Variants in HS6ST3 observed in about 807,000 individuals in gnomAD.
HS6ST3 encodes the protein heparan-sulfate 6-O-sulfotransferase 3.
Under a neutral mutation model 36.7 loss-of-function variants are expected in HS6ST3, and 12 were observed. That is an observed-to-expected ratio of 0.33 (90% CI 0.21 to 0.53). The LOEUF (loss-of-function observed/expected upper bound fraction) is 0.53. Among genes scored for constraint, HS6ST3 ranks in the 20% least tolerant of loss-of-function variants. The pLI is 0.95. For missense variants in HS6ST3, 584 were observed against 640.9 expected, an observed-to-expected ratio of 0.91 and a Z score of 0.96; for synonymous variants, 240 against 257.5, an observed-to-expected ratio of 0.93 and a Z score of 0.65.
intron 1 of HS6ST3, among the ~76,000 whole-genome samples, chr13:96,449,722 C>T (rs2055717905): frequency 6.6e-6 from 1 of 152,152 alleles, no homozygotes; most frequent in Non-Finnish European, 1.5e-5. Context: ...GTTCAGAACA[C>T]TATAACAATA....
chr13:96,179,860 C>T (rs1457363708), intron 1 of HS6ST3, among the ~76,000 whole-genome samples: 2 of 152,090 alleles, frequency 1.3e-5, no homozygotes, highest in African/African-American at 4.8e-5. Flanking sequence ...GATGGCGTCT[C>T]ACTCTGTCAA....
intron 1 of HS6ST3, among the ~76,000 whole-genome samples, chr13:96,097,709 A>T (rs2053798261): frequency 6.6e-6 from 1 of 152,214 alleles, no homozygotes; most frequent in South Asian, 2.1e-4. Context: ...ATAGCTGAGC[A>T]TTCATGTATT....
intron 1 of HS6ST3, among the ~76,000 whole-genome samples, chr13:96,130,329 C>T (rs2053969716): frequency 6.6e-6 from 1 of 152,058 alleles, no homozygotes; most frequent in Admixed American, 6.6e-5. Context: ...TGTCCTGGAA[C>T]CTTAACCCTT....
At chr13:96,186,344 G>A (rs1181496876) in intron 1 of HS6ST3, among the ~76,000 whole-genome samples, 1 of 152,124 alleles carries the variant, frequency 6.6e-6, no homozygotes, top group Non-Finnish European at 1.5e-5. Flanking sequence ...TGCCTTACCA[G>A]GTCTCCTCTA....
intron 1 of HS6ST3, among the ~76,000 whole-genome samples, chr13:96,476,748 C>G (rs190923667): frequency 1.3e-5 from 2 of 152,130 alleles, no homozygotes; most frequent in African/African-American, 4.8e-5. Context: ...GGGTGTAGTG[C>G]CTTGAATCAT....
At chr13:96,124,573 G>A (rs2053941493) in intron 1 of HS6ST3, among the ~76,000 whole-genome samples, 1 of 152,218 alleles carries the variant, frequency 6.6e-6, no homozygotes, top group South Asian at 2.1e-4. Flanking sequence ...TGTAACAGCA[G>A]CGAGGATGGA....
intron 1 of HS6ST3, among the ~76,000 whole-genome samples, chr13:96,345,563 A>T (rs2055149988): frequency 1.3e-5 from 2 of 152,180 alleles, no homozygotes; most frequent in South Asian, 4.1e-4. Context: ...TGTCCTTCAC[A>T]TGTACTAGGG....
chr13:96,447,713 T>A (rs1485154046), intron 1 of HS6ST3, among the ~76,000 whole-genome samples: 1 of 152,136 alleles, frequency 6.6e-6, no homozygotes, highest in Non-Finnish European at 1.5e-5. Flanking sequence ...GTGAATGACA[T>A]GCCTGGTTAA....
chr13:96,441,410 C>G (rs2055670720), intron 1 of HS6ST3, among the ~76,000 whole-genome samples: 1 of 152,002 alleles, frequency 6.6e-6, no homozygotes, highest in African/African-American at 2.4e-5. Context: ...AATGACGGCT[C>G]CTCACTGGCT....
At chr13:96,539,987 A>ATGAG (rs1354879218) in intron 1 of HS6ST3, among the ~76,000 whole-genome samples, 2 of 152,244 alleles carry the variant, frequency 1.3e-5, no homozygotes, top group Non-Finnish European at 2.9e-5. Context: ...AGTCTTCCTG[A>ATGAG]TGAGTGACAA....
At chr13:96,111,294 C>A (rs1267769839) in intron 1 of HS6ST3, among the ~76,000 whole-genome samples, 1 of 152,160 alleles carries the variant, frequency 6.6e-6, no homozygotes, top group African/African-American at 2.4e-5. Context: ...CATATTAAGG[C>A]ACATAACCTT....
In HS6ST3 at chr13:96,090,780, G is replaced by A. The variant is rs2053757186; in HGVS notation, c.-83G>A. ...GGCGGGCTCCGAGCCGCGCCCCGGAGTCCGCGAAACTTCCGAGCGGGCGCC... is the reference window on the plus strand; with the variant it reads ...GGCGGGCTCCGAGCCGCGCCCCGGAATCCGCGAAACTTCCGAGCGGGCGCC... On this transcript the variant is annotated 5_prime_UTR_variant, in exon 1 of 2. Coordinates refer to ENST00000376705, the MANE Select transcript of HS6ST3 (RefSeq NM_153456.4). 2.5e-6 allele frequency: 3 copies of A among 1,195,980 alleles called. No homozygotes were observed. The highest frequency in any genetic ancestry group is 3.2e-6 in the Non-Finnish European group (3 of 928,152). The allele number at this position is 1,195,980 out of a possible 1,614,324, so 74.1% of individuals were successfully genotyped here.
chr13:96,434,816 T>G (rs1173338049), intron 1 of HS6ST3, among the ~76,000 whole-genome samples: 1 of 152,158 alleles, frequency 6.6e-6, no homozygotes, highest in Admixed American at 6.6e-5. Flanking sequence ...TTTTGTTCAT[T>G]TTTTATCCTC....
chr13:96,566,294 AT>A (rs777486898), intron 1 of HS6ST3, among the ~76,000 whole-genome samples: 1 of 152,082 alleles, frequency 6.6e-6, no homozygotes, highest in African/African-American at 2.4e-5. Context: ...TAAACTAATA[AT>A]TTTTTTAGAA....
At chr13:96,790,763 AAT>A (rs1877767932) in intron 1 of HS6ST3, among the ~76,000 whole-genome samples, 2 of 152,070 alleles carry the variant, frequency 1.3e-5, no homozygotes, top group South Asian at 4.1e-4. Flanking sequence ...AGGTTTGCAT[AAT>A]ATGTCTCGAT....
chr13:96,738,979 A>G (rs921908475), intron 1 of HS6ST3, among the ~76,000 whole-genome samples: 2 of 152,176 alleles, frequency 1.3e-5, no homozygotes, highest in Non-Finnish European at 2.9e-5. Context: ...TCTTCTCGTC[A>G]ATATAACCAA....
chr13:96,383,029 G>A (rs2055349008), intron 1 of HS6ST3, among the ~76,000 whole-genome samples: 1 of 152,184 alleles, frequency 6.6e-6, no homozygotes, highest in South Asian at 2.1e-4. Context: ...AGGTATGAAA[G>A]GTTAACAACT....
intron 1 of HS6ST3, among the ~76,000 whole-genome samples, chr13:96,768,699 C>G (rs1048369003): frequency 1.3e-5 from 2 of 152,022 alleles, no homozygotes; most frequent in African/African-American, 4.8e-5. Flanking sequence ...AATATCCAAA[C>G]TCTTCAGTTA....
rs141032054 is a variant in HS6ST3, at chr13:96,310,796, C to G, written c.707+219227C>G. On this transcript the variant is annotated intron_variant, in intron 1 of 1. Coordinates refer to ENST00000376705, the MANE Select transcript of HS6ST3 (RefSeq NM_153456.4). The stretch of plus-strand genomic sequence containing the variant: ...ATGTGGCATTTTTTTGGGTTCTTCT[C>G]TTTTTCAGTGCTACCCTTAATATTC... Among the ~76,000 whole-genome samples, 17 of 152,234 alleles carry G rather than the reference C, an allele frequency of 1.1e-4. No individual in the cohort carries two copies. In the East Asian group the frequency reaches 3.3e-3, roughly 29 times the overall value.
Sources: gnomAD v4.1 joint callset for allele counts (sites outside exome capture counted in the v4.1 genomes callset) on GRCh38, gnomAD v4.1.1 for gene constraint, MANE v1.5 for transcripts, NCBI Gene and HGNC (gene_info 2026-07-23, HGNC 2026-07-21) for gene names.